The following CDAN1 variants were observed in gnomAD, a reference collection of about 807,000 sequenced individuals.
CDAN1 encodes codanin 1, also known as codanin-1.
Under a neutral mutation model 139.8 loss-of-function variants are expected in CDAN1, and 107 were observed. The ratio of observed to expected loss-of-function variants is 0.77; its 90% CI spans 0.65 to 0.90. CDAN1 has a LOEUF of 0.90. Ranked by LOEUF, CDAN1 falls within the 40% of genes least tolerant of loss-of-function variation. The pLI is 0.00. For synonymous variants in CDAN1, 776 were observed against 660.6 expected, an observed-to-expected ratio of 1.17 and a Z score of -2.68; for missense variants, 1,667 against 1,575.7, an observed-to-expected ratio of 1.06 and a Z score of -0.98.
chr15:42,725,077 C>T (rs1362364627), intron 27 of CDAN1, 67 bp downstream of exon 27: 4 of 1,349,450 alleles, frequency 3.0e-6, no homozygotes, highest in Middle Eastern at 1.8e-4. Flanking sequence ...TCACTTGCTT[C>T]CTTTCAGGAC....
At position 42,727,676 on chromosome 15, in the gene CDAN1, G is replaced by C. The variant is rs754121998; in HGVS notation, c.3041C>G (p.Ser1014Cys). ...PAARGERRGC[S>C]RACEHHAPLP... is the part of the protein sequence containing the mutation. The stretch of plus-strand genomic sequence containing the variant: ...GGGAGCATGGTGCTCACAGGCGCGG[G>C]AGCAGCCCCTCCGCTCCCCCCGGGC... Residue 1014 changes from serine (S) to cysteine (C), a missense_variant, in exon 23 of 28, where the codon TCC becomes TGC. Physicochemically the swap from Ser to Cys is moderately radical, Grantham distance 112. Around this residue, in one of 3 missense-constraint regions of CDAN1, gnomAD observed 936 missense variants for 844.1 expected, o/e 1.11. Coordinates refer to ENST00000356231, the MANE Select transcript of CDAN1 (RefSeq NM_138477.4). The C allele has an allele frequency of 3.1e-6, 5 of 1,590,262 alleles. No individual in the cohort carries two copies. The highest frequency in any genetic ancestry group is 4.3e-6 in the Non-Finnish European group (5 of 1,164,724).
At chr15:42,728,085 A>G in intron 21 of CDAN1, 52 bp from the exon 22 acceptor site, 2 of 1,600,086 alleles carry the variant, frequency 1.2e-6, no homozygotes, top group Non-Finnish European at 1.7e-6. Context: ...GGGTGCAACA[A>G]AGGATGCCAG....
Position 42,724,552 on chromosome 15 carries a change from G to A in CDAN1, c.3623C>T (p.Pro1208Leu). The A allele has an allele frequency of 6.4e-7, 1 of 1,558,514 alleles. No homozygotes were observed. Among genetic ancestry groups the A allele is most frequent in the Non-Finnish European group, 8.7e-7 (1 of 1,150,316 alleles). ...CACCAACTCACAGGCTCTTAGCTGGGGTTCTGGCAGGTGGGGCTCGGCTAG... is the reference window on the plus strand; with the variant it reads ...CACCAACTCACAGGCTCTTAGCTGGAGTTCTGGCAGGTGGGGCTCGGCTAG... ...LFLAEPHLPEPQLRACELVQP... is the reference protein window; with the variant it reads ...LFLAEPHLPELQLRACELVQP... Residue 1208 changes from proline (P) to leucine (L), a missense_variant, in exon 28 of 28, where the codon CCC becomes CTC. Transcript: ENST00000356231.
chr15:42,728,830 G>C lies in CDAN1; in HGVS notation c.2646-20C>G. 6.2e-7 allele frequency: 1 copy of C among 1,614,114 alleles called. No individual in the cohort carries two copies. The highest frequency in any genetic ancestry group is 8.5e-7 in the Non-Finnish European group (1 of 1,179,982). ...GTAGCCCTGCAGCAGGGACAGCAAG[G>C]TTGGGGATGGTTGGAGGGTTAATCG... On this transcript the variant is annotated intron_variant, in intron 19 of 27. Transcript: ENST00000356231.
In CDAN1 at chr15:42,725,560, CCT is replaced by C; in HGVS notation, c.3377_3378del (p.Gln1126ArgfsTer64). ...AGCAGCAGCTGCAGCGGAACCGGCC[CCT>C]GAAAGTCTTCCTTCCACAAGGAAAG... ...MLLSLWKEDFQGPVPLQLLLS... is the reference protein window; with the variant it reads ...MLLSLWKEDFXGPVPLQLLLS... On this transcript the variant is annotated frameshift_variant, in exon 26 of 28. Coordinates refer to ENST00000356231, the MANE Select transcript of CDAN1 (RefSeq NM_138477.4). LOFTEE classifies it high-confidence loss of function. The C allele has an allele frequency of 2.5e-6, 4 of 1,614,180 alleles. No individual in the cohort carries two copies. Among genetic ancestry groups the C allele is most frequent in the Non-Finnish European group, 1.7e-6 (2 of 1,180,042 alleles).
Position 42,728,050 on chromosome 15 carries a change from C to G in CDAN1, c.2869-17G>C, listed in dbSNP as rs556528780. 3 of 1,613,360 alleles carry G rather than the reference C, an allele frequency of 1.9e-6. No homozygotes were observed. Among genetic ancestry groups the G allele is most frequent in the African/African-American group, 1.3e-5 (1 of 75,012 alleles). ...GCTCAGAACCTGCGAAACAGAACTA[C>G]AGAGTCAGGGGCTAGGGGAGGGCTG... On this transcript the variant is annotated splice_polypyrimidine_tract_variant and intron_variant, in intron 21 of 27. Transcript: ENST00000356231.
At chr15:42,730,565 C>T (rs766797090) in intron 14 of CDAN1, 33 bp downstream of exon 14, 2 of 1,612,626 alleles carry the variant, frequency 1.2e-6, no homozygotes, top group Admixed American at 3.3e-5. Flanking sequence ...AGTCCCGAAT[C>T]CTTTCATCAA....
chr15:42,731,796 G>A lies in CDAN1; in HGVS notation c.1563C>T (p.Gly521=). 6.2e-7 allele frequency: 1 copy of A among 1,614,068 alleles called. No individual in the cohort carries two copies. Among genetic ancestry groups the A allele is most frequent in the Non-Finnish European group, 8.5e-7 (1 of 1,179,974 alleles). Residue 521 remains glycine (G), a synonymous_variant, in exon 11 of 28, where the codon GGC becomes GGT. Transcript: ENST00000356231. ...CATCTGGGGCCTCGCCCAAGACGGT[G>A]CCCCCAGCACCACCAGGGCTCTGAC... ...QMCQSPGGAG[G]TVLGEAPDVL...
At chr15:42,734,842 C>T (rs2061666412) in intron 6 of CDAN1, among the ~76,000 whole-genome samples, 1 of 136,476 alleles carries the variant, frequency 7.3e-6, no homozygotes. Flanking sequence ...TGGTCTAAAA[C>T]TCCTGGGCCT....
Position 42,728,033 on chromosome 15 carries a change from C to A in CDAN1, c.2869G>T (p.Val957Phe), listed in dbSNP as rs140275867. ...ALLPEETPAA[V>F]LSSAENIAVG... The stretch of plus-strand genomic sequence containing the variant: ...GCAATGTTCTCTGCACTGCTCAGAA[C>A]CTGCGAAACAGAACTACAGAGTCAG... The change falls in exon 22 of 28, where the codon GTT (valine) becomes TTT (phenylalanine). Residue 957 changes from valine to phenylalanine, a missense_variant and splice_region_variant. Val to Phe is a conservative substitution (Grantham distance 50, BLOSUM62 -1). Transcript: ENST00000356231. 6.2e-7 allele frequency: 1 copy of A among 1,613,916 alleles called. No homozygotes were observed. Among genetic ancestry groups the A allele is most frequent in the East Asian group, 2.2e-5 (1 of 44,846 alleles).
chr15:42,730,036 C>A (rs2061588216), intron 15 of CDAN1, 92 bp downstream of exon 15: 2 of 1,355,108 alleles, frequency 1.5e-6, no homozygotes, highest in Middle Eastern at 2.0e-4. Flanking sequence ...CCTTCGTCTT[C>A]CAGCCCTTGC....
At chr15:42,732,701 C>T (rs2061630049) in intron 9 of CDAN1, among the ~76,000 whole-genome samples, 1 of 152,190 alleles carries the variant, frequency 6.6e-6, no homozygotes, top group South Asian at 2.1e-4. Flanking sequence ...AGGGAGATGA[C>T]TGGACTGAGG....
Position 42,723,641 on chromosome 15 carries a change from A to C in CDAN1, c.*850T>G, listed in dbSNP as rs1336906606. ...GGTCAGGGAGAGGTCTCAAGAGGTT[A>C]CTACCTGCACAGGGGCTGAAGGTAC... On this transcript the variant is annotated 3_prime_UTR_variant, in exon 28 of 28. Transcript: ENST00000356231. 6.6e-6 allele frequency: 1 copy of C among 152,288 alleles called. No individual in the cohort carries two copies. The highest frequency in any genetic ancestry group is 1.5e-5 in the Non-Finnish European group (1 of 68,076). 9.4% of individuals were successfully genotyped at this position (152,288 alleles called of 1,614,324 possible). A position where few individuals can be genotyped will look rare whatever the true frequency, so the allele number is the denominator to read the frequency against.
At chr15:42,728,181 C>G (rs1210650050) in intron 21 of CDAN1, 23 bp downstream of exon 21, 1 of 1,611,308 alleles carries the variant, frequency 6.2e-7, no homozygotes, top group Non-Finnish European at 8.5e-7. Flanking sequence ...GGCCTGCTAG[C>G]TGCAGGCCTC....
At position 42,728,207 on chromosome 15, in the gene CDAN1, T is replaced by C. The variant is rs776454812; in HGVS notation, c.2865A>G (p.Ala955=). Residue 955 remains alanine, a synonymous_variant, in exon 21 of 28, where the codon GCA becomes GCG. Transcript: ENST00000356231. ...VRALLPEETP[A]AVLSSAENIA... is the part of the protein sequence containing the mutation. ...TGCAGGCCTCCCTCACACGTACGGC[T>C]GCCGGGGTCTCCTCTGGAAGCAGCG... 37 of 1,613,526 alleles carry C rather than the reference T, an allele frequency of 2.3e-5. No individual in the cohort carries two copies. The highest frequency in any genetic ancestry group is 3.1e-5 in the Non-Finnish European group (37 of 1,179,958).
In CDAN1 at chr15:42,729,636, G is replaced by A. The variant is rs1390155825; in HGVS notation, c.2353-14C>T. Reference sequence around the variant, plus strand: ...AGGCGCATTGTCCTGGGGAGAAAAGGTTGGTGTCAGCAGACTGCCCCTCCC... The same window carrying A: ...AGGCGCATTGTCCTGGGGAGAAAAGATTGGTGTCAGCAGACTGCCCCTCCC... On this transcript the variant is annotated splice_polypyrimidine_tract_variant and intron_variant, in intron 16 of 27. Coordinates refer to ENST00000356231, the MANE Select transcript of CDAN1 (RefSeq NM_138477.4). 9 of 1,613,916 alleles carry A rather than the reference G, an allele frequency of 5.6e-6. No individual in the cohort carries two copies. The highest frequency in any genetic ancestry group is 6.8e-6 in the Non-Finnish European group (8 of 1,179,934).
chr15:42,726,287 C>T (rs370724643), intron 24 of CDAN1, 23 bp downstream of exon 24: 45 of 1,588,238 alleles, frequency 2.8e-5, no homozygotes, highest in Middle Eastern at 1.7e-4. Context: ...AAAAGCCCCC[C>T]GGTGGCAGAT....
intron 8 of CDAN1, among the ~76,000 whole-genome samples, chr15:42,733,520 G>A (rs1028217827): frequency 4.6e-5 from 7 of 152,042 alleles, no homozygotes; most frequent in African/African-American, 7.2e-5. Flanking sequence ...CAGGTGATCC[G>A]CCCCTCGGCC....
In CDAN1 at chr15:42,730,944, A is replaced by G. The variant is rs753779429; in HGVS notation, c.1988T>C (p.Ile663Thr). ...ATTCACCTGGCTCCTGAGGGCCAGAATGGAGTCCTGAAGCTCACCGGTCGG... is the reference window on the plus strand; with the variant it reads ...ATTCACCTGGCTCCTGAGGGCCAGAGTGGAGTCCTGAAGCTCACCGGTCGG... The part of the protein sequence containing the change: ...PPPTGELQDS[I>T]LALRSQVPPV... The change falls in exon 13 of 28, where the codon ATT (isoleucine) becomes ACT (threonine). Residue 663 changes from isoleucine to threonine, a missense_variant. Coordinates refer to ENST00000356231, the MANE Select transcript of CDAN1 (RefSeq NM_138477.4). The G allele has an allele frequency of 1.2e-6, 2 of 1,614,156 alleles. No homozygotes were observed. Among genetic ancestry groups the G allele is most frequent in the Non-Finnish European group, 1.7e-6 (2 of 1,180,010 alleles).
Sources: gnomAD v4.1 joint callset for allele counts (sites outside exome capture counted in the v4.1 genomes callset) on GRCh38, gnomAD v4.1.1 for gene constraint, gnomAD v4.1.1 regional missense constraint, MANE v1.5 for transcripts, NCBI Gene and HGNC (gene_info 2026-07-23, HGNC 2026-07-21) for gene names.